MAP2K5: variants seen among roughly 807,000 people sequenced by gnomAD.
MAP2K5 encodes mitogen-activated protein kinase kinase 5.
MAP2K5 carries 49 observed loss-of-function variants against 83.1 expected under a neutral mutation model. The observed-to-expected ratio is 0.59, with a 90% CI of 0.47 to 0.75. The LOEUF (loss-of-function observed/expected upper bound fraction) is 0.75. MAP2K5 is among the 30% of genes least tolerant of loss of function. MAP2K5 has a pLI of 0.00. For missense variants in MAP2K5, 457 were observed against 557.5 expected (o/e 0.82, Z 1.82); for synonymous variants, 202 against 191.8 (o/e 1.05, Z -0.44).
intron 1 of MAP2K5, among the ~76,000 whole-genome samples, chr15:67,547,741 G>A (rs1029554619): frequency 1.3e-5 from 2 of 152,202 alleles, no homozygotes; most frequent in Admixed American, 1.3e-4. Flanking sequence ...ATAGGTGTGA[G>A]CCACTGCGCC....
intron 8 of MAP2K5, among the ~76,000 whole-genome samples, chr15:67,611,406 G>A (rs184769507): frequency 2.0e-4 from 30 of 152,258 alleles, no homozygotes; most frequent in African/African-American, 7.2e-4. Flanking sequence ...GAGCACAACA[G>A]CTGGGGTAAC....
At chr15:67,733,590 CTT>C (rs1828322883) in intron 17 of MAP2K5, among the ~76,000 whole-genome samples, 1 of 152,128 alleles carries the variant, frequency 6.6e-6, no homozygotes, top group Non-Finnish European at 1.5e-5. Context: ...GGATCAGAAA[CTT>C]TTACTACCAA....
intron 1 of MAP2K5, among the ~76,000 whole-genome samples, chr15:67,544,453 G>A (rs2084353908): frequency 6.6e-6 from 1 of 152,202 alleles, no homozygotes; most frequent in African/African-American, 2.4e-5. Flanking sequence ...TTTGCAGATA[G>A]TTACTGAGGA....
chr15:67,617,684 AT>A (rs1490860171), intron 8 of MAP2K5, among the ~76,000 whole-genome samples: 1 of 151,702 alleles, frequency 6.6e-6, no homozygotes, highest in Non-Finnish European at 1.5e-5. Flanking sequence ...TCACATATTT[AT>A]TTTCCTTACT....
intron 3 of MAP2K5, among the ~76,000 whole-genome samples, chr15:67,570,069 G>A (rs115922306): frequency 0.017 from 2,529 of 152,296 alleles, 78 homozygotes; most frequent in African/African-American, 0.058. Flanking sequence ...CAGCTGAGAG[G>A]ATCCCATAAA....
chr15:67,703,263 T>G, intron 15 of MAP2K5, 74 bp from the exon 16 acceptor site: 17 of 1,104,356 alleles, frequency 1.5e-5, no homozygotes, highest in Non-Finnish European at 2.1e-5. Flanking sequence ...TCACCTTAGC[T>G]GAGCTTATTT....
chr15:67,638,181 C>T lies in MAP2K5; in HGVS notation c.585+7254C>T, dbSNP rs2086644327. On this transcript the variant is annotated intron_variant, in intron 9 of 21. Transcript: ENST00000178640. This position sits in a 1 kb window ranked among gnomAD's most constrained non-coding sequence, Gnocchi z 4.5. ...TTATTTTGTCACCCAGGTATTAAGCCTAGTACCTATTAGTTATTTTTCCTG... is the reference window on the plus strand; with the variant it reads ...TTATTTTGTCACCCAGGTATTAAGCTTAGTACCTATTAGTTATTTTTCCTG... Among the ~76,000 whole-genome samples, 1 of 152,008 alleles carries T rather than the reference C, an allele frequency of 6.6e-6. No individual in the cohort carries two copies. Among genetic ancestry groups the T allele is most frequent in the Admixed American group, 6.6e-5 (1 of 15,258 alleles).
chr15:67,568,995 G>C, intron 3 of MAP2K5, among the ~76,000 whole-genome samples: 1 of 104,538 alleles, frequency 9.6e-6, no homozygotes, highest in African/African-American at 4.1e-5. Context: ...GACAGAGCAA[G>C]ACTCCATCTC....
intron 3 of MAP2K5, among the ~76,000 whole-genome samples, chr15:67,578,069 C>T (rs1449174807): frequency 4.6e-5 from 7 of 152,146 alleles, no homozygotes; most frequent in African/African-American, 1.7e-4. Context: ...CCCATGTGAG[C>T]CTCACAGCTA....
Position 67,606,682 on chromosome 15 carries a change from A to G in MAP2K5, c.545+5933A>G, listed in dbSNP as rs16951062. Among the ~76,000 whole-genome samples, 6 of 152,106 alleles carry G rather than the reference A, an allele frequency of 3.9e-5. No individual in the cohort carries two copies. The East Asian group carries it at 1.2e-3, about 29-fold the overall frequency. ...ACTTGTGATTTGACTGTAGAGGCCA[A>G]CTAAAACATTAAATTACTGTTTGGG... On this transcript the variant is annotated intron_variant, in intron 8 of 21. Transcript: ENST00000178640.
Position 67,652,786 on chromosome 15 carries a change from ACTC to A in MAP2K5, c.737-5763_737-5761del, listed in dbSNP as rs1479325464. 2.6e-5 allele frequency among the ~76,000 whole-genome samples: 4 copies of A among 151,864 alleles called. No homozygotes were observed. Among genetic ancestry groups the A allele is most frequent in the Admixed American group, 2.6e-4 (4 of 15,220 alleles). ...GAAACTCTATACCTATTAAATAAGA[ACTC>A]CTCATTCACCCCCGCTCCCAGCCCC... On this transcript the variant is annotated intron_variant, in intron 11 of 21. Coordinates refer to ENST00000178640, the MANE Select transcript of MAP2K5 (RefSeq NM_145160.3). This position sits in a 1 kb window ranked among gnomAD's most constrained non-coding sequence, Gnocchi z 4.2.
At chr15:67,714,488 G>A (rs971205908) in intron 16 of MAP2K5, among the ~76,000 whole-genome samples, 2 of 139,132 alleles carry the variant, frequency 1.4e-5, no homozygotes, top group East Asian at 4.3e-4. Context: ...TCTAATGGGT[G>A]TGTGGTTGTG....
rs1174055788 is a variant in MAP2K5, at chr15:67,569,020, C to CA, written c.252+5682dup. Among the ~76,000 whole-genome samples the CA allele has an allele frequency of 2.9e-3, 329 of 112,328 alleles. 1 individual carries two copies. The highest frequency in any genetic ancestry group is 4.6e-3 in the Non-Finnish European group (240 of 52,466). 73.7% of individuals were successfully genotyped at this position (112,328 alleles called of 152,430 possible). A position where few individuals can be genotyped will look rare whatever the true frequency, so the allele number is the denominator to read the frequency against. On this transcript the variant is annotated intron_variant, in intron 3 of 21. Coordinates refer to ENST00000178640, the MANE Select transcript of MAP2K5 (RefSeq NM_145160.3). ...GACTCCATCTCAAAAAAAAAAAAAA[C>CA]AAAAAAAAAAAACAAAACTCTGTGG...
At chr15:67,575,443 C>G (rs2085034595) in intron 3 of MAP2K5, among the ~76,000 whole-genome samples, 1 of 152,134 alleles carries the variant, frequency 6.6e-6, no homozygotes, top group African/African-American at 2.4e-5. Context: ...CCCATCAGCA[C>G]AGATGTCTTC....
chr15:67,595,210 T>C (rs1052389686), intron 7 of MAP2K5, among the ~76,000 whole-genome samples: 3 of 152,158 alleles, frequency 2.0e-5, no homozygotes, highest in Admixed American at 2.0e-4. Context: ...TTCATTGATA[T>C]AGGTTATGTG....
rs2087711312 is a variant in MAP2K5, at chr15:67,677,585, C to T, written c.847+12940C>T. Among the ~76,000 whole-genome samples, 1 of 152,090 alleles carries T rather than the reference C, an allele frequency of 6.6e-6. No individual in the cohort carries two copies. Among genetic ancestry groups the T allele is most frequent in the South Asian group, 2.1e-4 (1 of 4,826 alleles). ...TATTCCTTTGTTTTCTTTCCTTTTT[C>T]CCCAAAAATGTTTTATAGTCAAGAG... On this transcript the variant is annotated intron_variant, in intron 13 of 21. Coordinates refer to ENST00000178640, the MANE Select transcript of MAP2K5 (RefSeq NM_145160.3). This position sits in a 1 kb window ranked among gnomAD's most constrained non-coding sequence, Gnocchi z 4.2.
chr15:67,748,214 A>G lies in MAP2K5; in HGVS notation c.1075-17A>G, dbSNP rs747380114. ...ATTTTGATTATGACATGCTAATTAC[A>G]TATTGCCTTTTTTCAGATTCAGAAA... is the stretch of plus-strand genomic sequence containing the variant. On this transcript the variant is annotated splice_polypyrimidine_tract_variant and intron_variant, in intron 17 of 21. Coordinates refer to ENST00000178640, the MANE Select transcript of MAP2K5 (RefSeq NM_145160.3). This position sits in a 1 kb window ranked among gnomAD's most constrained non-coding sequence, Gnocchi z 4.0. 5.7e-6 allele frequency: 9 copies of G among 1,591,664 alleles called. No individual in the cohort carries two copies. The highest frequency in any genetic ancestry group is 6.9e-6 in the Non-Finnish European group (8 of 1,160,240).
rs1488058026 is a variant in MAP2K5 at position 67,780,288 on chromosome 15, C to T, written c.1242+7536C>T. 6.6e-5 allele frequency among the ~76,000 whole-genome samples: 10 copies of T among 150,456 alleles called. No individual in the cohort carries two copies. Among genetic ancestry groups the T allele is most frequent in the Non-Finnish European group, 1.3e-4 (9 of 67,654 alleles). ...AGCAGATACTTTTTTTTTTTTTTAA[C>T]CTTTAAAGTTCTCTAGGTGATTACA... On this transcript the variant is annotated intron_variant, in intron 21 of 21. Coordinates refer to ENST00000178640, the MANE Select transcript of MAP2K5 (RefSeq NM_145160.3). The surrounding 1 kb of genome is among the most constrained non-coding windows in gnomAD (Gnocchi z 5.0).
intron 13 of MAP2K5, among the ~76,000 whole-genome samples, chr15:67,674,758 GA>G (rs917411890): frequency 6.6e-6 from 1 of 152,020 alleles, no homozygotes; most frequent in Non-Finnish European, 1.5e-5. Context: ...CTCAATGGTA[GA>G]AAAACAAACA....
Sources: gnomAD v4.1 joint callset for allele counts (sites outside exome capture counted in the v4.1 genomes callset) on GRCh38, gnomAD v4.1.1 for gene constraint, Gnocchi (gnomAD v3.1) non-coding constraint, MANE v1.5 for transcripts, NCBI Gene and HGNC (gene_info 2026-07-23, HGNC 2026-07-21) for gene names.